DENND2B: variants seen among roughly 807,000 people sequenced by gnomAD.
DENND2B encodes DENN domain-containing protein 2B.
Under a neutral mutation model 116.0 loss-of-function variants are expected in DENND2B, and 32 were observed. The observed-to-expected ratio is 0.28, with a 90% CI of 0.21 to 0.37. The LOEUF (loss-of-function observed/expected upper bound fraction) is 0.37. Among genes scored for constraint, DENND2B ranks in the 10% least tolerant of loss-of-function variants. The pLI, the probability that DENND2B is intolerant of heterozygous loss-of-function variation, is 1.00. For missense variants in DENND2B, 1,276 were observed against 1,477.7 expected, an observed-to-expected ratio of 0.86 and a Z score of 2.24; for synonymous variants, 588 against 583.9, an observed-to-expected ratio of 1.01 and a Z score of -0.10.
At chr11:8,724,783 T>C (rs1405710139) in intron 4 of DENND2B, among the ~76,000 whole-genome samples, 4 of 152,210 alleles carry the variant, frequency 2.6e-5, no homozygotes. Context: ...AGAGATAGTG[T>C]CTCCCTTCAG....
intron 2 of DENND2B, among the ~76,000 whole-genome samples, chr11:8,748,444 C>T (rs2051705320): frequency 1.3e-5 from 2 of 152,212 alleles, no homozygotes; most frequent in South Asian, 2.1e-4. Flanking sequence ...TGGTGATTTA[C>T]TGCCTTAGCC....
At position 8,781,493 on chromosome 11, in the gene DENND2B, T is replaced by G. The variant is rs536824443; in HGVS notation, c.-26+29024A>C. Among the ~76,000 whole-genome samples the G allele has an allele frequency of 2.0e-4, 30 of 152,280 alleles. No homozygotes were observed. In the South Asian group the frequency reaches 5.8e-3, roughly 29 times the overall value. On this transcript the variant is annotated intron_variant, in intron 1 of 19. Coordinates refer to ENST00000313726, the MANE Select transcript of DENND2B (RefSeq NM_213618.2). ...AGGGGCAATACCACTTTTTGTCTAT[T>G]ACACTGGGCAAGATGATAAAACTAT...
At chr11:8,695,703 G>A in intron 18 of DENND2B, 154 bp from the exon 19 acceptor site, 1 of 671,956 alleles carries the variant, frequency 1.5e-6, no homozygotes, top group South Asian at 1.9e-5. Flanking sequence ...TAGAATTCGG[G>A]CTGGCTCATC....
chr11:8,729,849 G>C, intron 3 of DENND2B, 101 bp downstream of exon 3: 1 of 1,449,790 alleles, frequency 6.9e-7, no homozygotes, highest in Non-Finnish European at 9.4e-7. Context: ...AGCTTACGAA[G>C]CACTAATGAC....
At chr11:8,764,072 A>C (rs2134132626) in intron 1 of DENND2B, among the ~76,000 whole-genome samples, 1 of 152,240 alleles carries the variant, frequency 6.6e-6, no homozygotes, top group Middle Eastern at 3.4e-3. Context: ...AAAAATACAA[A>C]AATTAGCTAG....
chr11:8,821,477 G>C (rs914149200), intron 4 of DENND2B, among the ~76,000 whole-genome samples: 4 of 151,864 alleles, frequency 2.6e-5, no homozygotes, highest in African/African-American at 2.4e-5. Flanking sequence ...TACACAGGAG[G>C]TTGAAGTAGG....
At chr11:8,845,125 A>C (rs957440892) in intron 3 of DENND2B, 7 of 152,248 alleles carry the variant, frequency 4.6e-5, no homozygotes, top group African/African-American at 1.7e-4. Context: ...CAAATGATCA[A>C]AACATAATTG....
chr11:8,846,708 G>A (rs1362317478), intron 3 of DENND2B, among the ~76,000 whole-genome samples: 1 of 152,114 alleles, frequency 6.6e-6, no homozygotes, highest in Non-Finnish European at 1.5e-5. Context: ...TGTTCTCCAT[G>A]CAGCCTCCTC....
chr11:8,697,489 G>A (rs781239375), intron 17 of DENND2B, 36 bp downstream of exon 17: 1 of 1,545,872 alleles, frequency 6.5e-7, no homozygotes. Context: ...GAGGGAGCCT[G>A]GAGCAGAGCT....
chr11:8,815,468 CCCG>C (rs1220323565), upstream of DENND2B, among the ~76,000 whole-genome samples: 2 of 152,138 alleles, frequency 1.3e-5, no homozygotes, highest in Admixed American at 1.3e-4. Context: ...CTACCAACCA[CCCG>C]ATTACAGGCA....
In DENND2B at chr11:8,730,051, T is replaced by C. The variant is rs759198980; in HGVS notation, c.1239A>G (p.Ser413=). ...KSKPSNGLPP[S]PTPAAPPPLP... ...AGGGAGGTGGAGCAGCAGGTGTGGG[T>C]GAAGGAGGTAGACCATTACTGGGCT... The change falls in exon 3 of 20, where the codon TCA becomes TCG. Residue 413 remains serine, a synonymous_variant. Coordinates refer to ENST00000313726, the MANE Select transcript of DENND2B (RefSeq NM_213618.2). This position sits in a 1 kb window ranked among gnomAD's most constrained non-coding sequence, Gnocchi z 4.1. The C allele has an allele frequency of 1.2e-5, 20 of 1,613,944 alleles. No homozygotes were observed. The South Asian group carries it at 2.0e-4, about 16-fold the overall frequency.
intron 4 of DENND2B, among the ~76,000 whole-genome samples, chr11:8,720,383 A>G (rs1029534842): frequency 7.9e-5 from 12 of 152,166 alleles, no homozygotes; most frequent in African/African-American, 2.7e-4. Context: ...GAAGTAATAG[A>G]TGTACAAGCC....
At chr11:8,874,866 A>G (rs2063825815), upstream of DENND2B, among the ~76,000 whole-genome samples, 1 of 152,128 alleles carries the variant, frequency 6.6e-6, no homozygotes, top group Admixed American at 6.6e-5. Context: ...TCCTGGCTCC[A>G]GTGAATTATG....
At chr11:8,853,255 C>T (rs764985685) in intron 3 of DENND2B, among the ~76,000 whole-genome samples, 1 of 152,022 alleles carries the variant, frequency 6.6e-6, no homozygotes, top group African/African-American at 2.4e-5. Flanking sequence ...CCCAGCTACT[C>T]GGGAGGCTGA....
At chr11:8,762,043 C>A (rs1375305600) in intron 1 of DENND2B, among the ~76,000 whole-genome samples, 1 of 152,140 alleles carries the variant, frequency 6.6e-6, no homozygotes, top group Non-Finnish European at 1.5e-5. Context: ...GCTTCCGATT[C>A]CACTAAGAAC....
intron 1 of DENND2B, among the ~76,000 whole-genome samples, chr11:8,906,310 G>A (rs1362161056): frequency 2.8e-5 from 4 of 145,322 alleles, no homozygotes; most frequent in South Asian, 2.1e-4. Context: ...GGTTCACGCC[G>A]TTCTCCTGCC....
chr11:8,723,582 T>C (rs1301684291), intron 4 of DENND2B, among the ~76,000 whole-genome samples: 1 of 151,998 alleles, frequency 6.6e-6, no homozygotes, highest in Non-Finnish European at 1.5e-5. Flanking sequence ...CATAAGGAGG[T>C]GAGAAATACA....
intron 4 of DENND2B, among the ~76,000 whole-genome samples, chr11:8,725,090 A>G (rs1279572340): frequency 6.6e-6 from 1 of 152,224 alleles, no homozygotes; most frequent in Non-Finnish European, 1.5e-5. Context: ...TGCCAGCACC[A>G]TGAAACTGGG....
chr11:8,699,458 CAG>C, intron 14 of DENND2B, 68 bp from the exon 15 acceptor site: 1 of 1,477,106 alleles, frequency 6.8e-7, no homozygotes, highest in Non-Finnish European at 9.0e-7. Flanking sequence ...GCTGGAGGCT[CAG>C]GACAGCCTTT....
Sources: allele counts gnomAD v4.1 joint callset (sites outside exome capture counted in the v4.1 genomes callset), GRCh38; gene constraint gnomAD v4.1.1; non-coding constraint Gnocchi (gnomAD v3.1); transcripts MANE v1.5; gene names NCBI Gene and HGNC (gene_info 2026-07-23, HGNC 2026-07-21).